PXDN: variants seen among roughly 807,000 people sequenced by gnomAD.
The protein encoded by PXDN is peroxidasin homolog.
A neutral mutation model predicts 140.3 loss-of-function variants in PXDN; 77 were observed. The ratio of observed to expected loss-of-function variants is 0.55; its 90% CI spans 0.46 to 0.66. PXDN has a LOEUF of 0.66. PXDN is among the 30% of genes least tolerant of loss of function. PXDN has a pLI of 0.00. For missense variants in PXDN, 1,838 were observed against 2,039.5 expected (o/e 0.90, Z 1.90); for synonymous variants, 911 against 857.4 (o/e 1.06, Z -1.09).
intron 14 of PXDN, among the ~76,000 whole-genome samples, chr2:1,658,424 C>T (rs998418424): frequency 3.9e-5 from 6 of 151,944 alleles, no homozygotes; most frequent in African/African-American, 1.5e-4. Flanking sequence ...GCCCAGCAGT[C>T]CCCCCACAGT....
chr2:1,733,523 C>A (rs1685357488), intron 1 of PXDN, among the ~76,000 whole-genome samples: 1 of 152,230 alleles, frequency 6.6e-6, no homozygotes, highest in Admixed American at 6.5e-5. Flanking sequence ...GGGTGAATCA[C>A]CTGTAGTCAG....
At chr2:1,691,148 T>C (rs1201426651) in intron 3 of PXDN, among the ~76,000 whole-genome samples, 2 of 152,192 alleles carry the variant, frequency 1.3e-5, no homozygotes, top group Admixed American at 6.5e-5. Flanking sequence ...GGTTCACATA[T>C]GATAAAAATT....
intron 1 of PXDN, among the ~76,000 whole-genome samples, chr2:1,743,295 C>T (rs1196256248): frequency 1.3e-5 from 2 of 152,226 alleles, no homozygotes; most frequent in South Asian, 2.1e-4. Context: ...CGAACACGCT[C>T]GCGTGGATTA....
intron 1 of PXDN, among the ~76,000 whole-genome samples, chr2:1,704,278 T>G (rs34271118): frequency 9.9e-5 from 2 of 20,166 alleles, no homozygotes; most frequent in Non-Finnish European, 1.8e-4. Context: ...CAGCTCCAGG[T>G]GAAGCGGGGG....
At chr2:1,675,997 T>C (rs1168598311) in intron 8 of PXDN, among the ~76,000 whole-genome samples, 1 of 152,082 alleles carries the variant, frequency 6.6e-6, no homozygotes, top group African/African-American at 2.4e-5. Flanking sequence ...GTGGCTTTAC[T>C]TCAGGATTTT....
chr2:1,656,913 GAACCTGTCCCCTCCTGACAGA>G (rs372046028), intron 14 of PXDN, among the ~76,000 whole-genome samples: 1,755 of 133,598 alleles, frequency 0.013, 21 homozygotes, highest in African/African-American at 0.033. Flanking sequence ...CTCCTGACTG[GAACCTGTCCCCTCCTGACAGA>G]AACCTGTCCC....
chr2:1,679,213 A>ACG (rs1491270029), intron 7 of PXDN, among the ~76,000 whole-genome samples: 3 of 132,496 alleles, frequency 2.3e-5, no homozygotes, highest in South Asian at 2.5e-4. Flanking sequence ...TTGTGTCTGC[A>ACG]TGTGTGTGTC....
rs756967659 is a variant in PXDN, at chr2:1,683,733, G to C, written c.489-6C>G. The C allele has an allele frequency of 6.3e-7, 1 of 1,593,674 alleles. No homozygotes were observed. The highest frequency in any genetic ancestry group is 1.8e-5 in the Admixed American group (1 of 55,716). On this transcript the variant is annotated splice_region_variant and splice_polypyrimidine_tract_variant and intron_variant, in intron 5 of 22. Coordinates refer to ENST00000252804, the MANE Select transcript of PXDN (RefSeq NM_012293.3). ...TCCGGTTGTTATGCAAAAATCTGTT[G>C]AAAGAGATTTTATAACAAACCAATT...
chr2:1,637,422 GCGA>G (rs1225586252), intron 21 of PXDN, among the ~76,000 whole-genome samples: 36 of 151,442 alleles, frequency 2.4e-4, no homozygotes, highest in South Asian at 6.2e-4. Context: ...CAGCTGCCAG[GCGA>G]TGTACACCTA....
chr2:1,716,470 A>AAAAC (rs1684898713), intron 1 of PXDN, among the ~76,000 whole-genome samples: 2 of 142,188 alleles, frequency 1.4e-5, no homozygotes, highest in Admixed American at 7.1e-5. Flanking sequence ...AAAAAAAAAA[A>AAAAC]CCAGGGTGGC....
intron 1 of PXDN, among the ~76,000 whole-genome samples, chr2:1,696,538 T>C (rs1021022328): frequency 6.6e-6 from 1 of 152,300 alleles, no homozygotes; most frequent in Non-Finnish European, 1.5e-5. Context: ...ACATATTGAA[T>C]ACTGCAGAGG....
At chr2:1,704,730 C>A (rs7588729) in intron 1 of PXDN, among the ~76,000 whole-genome samples, 87,619 of 151,432 alleles carry the variant, frequency 0.58, 26,406 homozygotes, top group African/African-American at 0.76. Context: ...AATGGCTGCA[C>A]TGTCTTGAGT....
intron 19 of PXDN, among the ~76,000 whole-genome samples, chr2:1,642,255 A>C (rs1682745048): frequency 1.3e-5 from 2 of 152,148 alleles, no homozygotes; most frequent in African/African-American, 4.8e-5. Context: ...CACACCCCAC[A>C]GTCGCACACA....
intron 1 of PXDN, among the ~76,000 whole-genome samples, chr2:1,699,373 CG>C (rs1240626931): frequency 6.6e-6 from 1 of 151,190 alleles, no homozygotes; most frequent in Non-Finnish European, 1.5e-5. Context: ...TTTTCCCATA[CG>C]CAAGTCTCAG....
At chr2:1,706,893 A>G (rs1361445873) in intron 1 of PXDN, among the ~76,000 whole-genome samples, 2 of 145,548 alleles carry the variant, frequency 1.4e-5, no homozygotes, top group Non-Finnish European at 1.5e-5. Flanking sequence ...CACTAATAAT[A>G]CAATCCGAGA....
intron 22 of PXDN, among the ~76,000 whole-genome samples, chr2:1,635,013 G>A (rs1405755644): frequency 2.0e-5 from 3 of 152,236 alleles, no homozygotes; most frequent in Non-Finnish European, 4.4e-5. Context: ...GACAGGGCCA[G>A]TGGTGGGCAG....
chr2:1,680,872 C>T (rs932916071), intron 6 of PXDN, among the ~76,000 whole-genome samples: 1 of 152,196 alleles, frequency 6.6e-6, no homozygotes, highest in Non-Finnish European at 1.5e-5. Context: ...GCTGCATCTC[C>T]TGGCTGGGGT....
intron 1 of PXDN, among the ~76,000 whole-genome samples, chr2:1,696,148 A>C (rs1316413393): frequency 6.6e-6 from 1 of 152,258 alleles, no homozygotes; most frequent in Non-Finnish European, 1.5e-5. Context: ...TATTGAGTGC[A>C]TGCTGAAACA....
chr2:1,720,416 G>C (rs1435972052), intron 1 of PXDN, among the ~76,000 whole-genome samples: 2 of 151,784 alleles, frequency 1.3e-5, no homozygotes, highest in Non-Finnish European at 2.9e-5. Flanking sequence ...GAGAGAGGGA[G>C]GGATGCAGAG....
Sources: allele counts gnomAD v4.1 joint callset (sites outside exome capture counted in the v4.1 genomes callset), GRCh38; gene constraint gnomAD v4.1.1; transcripts MANE v1.5; gene names NCBI Gene and HGNC (gene_info 2026-07-23, HGNC 2026-07-21).